NTNG1: variants seen among roughly 807,000 people sequenced by gnomAD.
NTNG1 encodes the protein netrin-G1.
Under a neutral mutation model 54.0 loss-of-function variants are expected in NTNG1, and 16 were observed. That is an observed-to-expected ratio of 0.30 (90% CI 0.20 to 0.45). The LOEUF (loss-of-function observed/expected upper bound fraction) is 0.45, where lower values mean the gene tolerates loss of function less well. Ranked by LOEUF, NTNG1 falls within the 20% of genes least tolerant of loss-of-function variation. The probability of loss-of-function intolerance (pLI) is 1.00; values close to 1 mark genes in which losing one functional copy is unlikely to be tolerated. For synonymous variants in NTNG1, 255 were observed against 263.1 expected (o/e 0.97, Z 0.30); for missense variants, 530 against 678.7 (o/e 0.78, Z 2.43).
intron 2 of NTNG1, among the ~76,000 whole-genome samples, chr1:107,186,247 T>C (rs541501259): frequency 2.6e-4 from 40 of 152,288 alleles, no homozygotes; most frequent in Admixed American, 1.1e-3. Flanking sequence ...ACTTGCCTCC[T>C]TTGCCACCCA....
chr1:107,319,039 T>C (rs1667494948), intron 2 of NTNG1, among the ~76,000 whole-genome samples: 2 of 152,148 alleles, frequency 1.3e-5, no homozygotes, highest in Admixed American at 1.3e-4. Context: ...CTGAAAGACA[T>C]GTCCACTATC....
rs1391734094 is a variant in NTNG1, at chr1:107,361,774, C to A, written c.888-33380C>A. ...ATTTTTGACACTCGGGAAATGACTT[C>A]TTTATGGAAGAAATGATAAACTAGT... On this transcript the variant is annotated intron_variant, in intron 3 of 7. Transcript: ENST00000370068. Among the ~76,000 whole-genome samples, 11 of 152,198 alleles carry A rather than the reference C, an allele frequency of 7.2e-5. No homozygotes were observed. The East Asian group carries it at 1.9e-3, about 27-fold the overall frequency.
chr1:107,210,645 A>G (rs1017919643), intron 2 of NTNG1, among the ~76,000 whole-genome samples: 1 of 152,172 alleles, frequency 6.6e-6, no homozygotes, highest in Non-Finnish European at 1.5e-5. Flanking sequence ...TTGAGGGAGG[A>G]TAAGTTTAGA....
chr1:107,196,780 A>C (rs1170619190), intron 2 of NTNG1, among the ~76,000 whole-genome samples: 1 of 152,024 alleles, frequency 6.6e-6, no homozygotes, highest in Admixed American at 6.6e-5. Flanking sequence ...ATGCATTTTA[A>C]ATTTTAGATA....
rs1276206435 is a variant in NTNG1 at position 107,169,635 on chromosome 1, A to G, written c.246+20796A>G. Among the ~76,000 whole-genome samples the G allele has an allele frequency of 2.0e-5, 3 of 152,320 alleles. No homozygotes were observed. In the East Asian group the frequency reaches 5.8e-4, roughly 29 times the overall value. On this transcript the variant is annotated intron_variant, in intron 2 of 7. Transcript: ENST00000370068. ...CTTACAAATAAGTGAGTGGCTATCC[A>G]ATAATGAAATTTAAAATGGTAAGGT...
intron 4 of NTNG1, among the ~76,000 whole-genome samples, chr1:107,406,579 G>A (rs1673435660): frequency 6.6e-6 from 1 of 152,078 alleles, no homozygotes; most frequent in African/African-American, 2.4e-5. Context: ...AGTTCTGTCT[G>A]CTTTCCATCG....
rs146592934 is a variant in NTNG1 at position 107,398,065 on chromosome 1, T to TAAG, written c.1060+2741_1060+2742insGAA. ...ACTTAGGATATATCATCCCCTAACA[T>TAAG]AACACAAAAGCTACAACTTCTGGTC... On this transcript the variant is annotated intron_variant, in intron 4 of 7. Transcript: ENST00000370068. Among the ~76,000 whole-genome samples the TAAG allele has an allele frequency of 0.012, 1,808 of 152,170 alleles. 90 individuals are homozygous for TAAG. In the East Asian group the frequency reaches 0.17, roughly 15 times the overall value.
chr1:107,313,456 T>G (rs1405451801), intron 2 of NTNG1, among the ~76,000 whole-genome samples: 1 of 152,066 alleles, frequency 6.6e-6, no homozygotes, highest in Non-Finnish European at 1.5e-5. Context: ...AATAGATGGA[T>G]CTGAGGTTCA....
intron 2 of NTNG1, 49 bp downstream of exon 2, chr1:107,148,888 C>T (rs777442491): frequency 2.6e-6 from 4 of 1,558,006 alleles, no homozygotes; most frequent in South Asian, 2.3e-5. Context: ...AGGGTCTAAT[C>T]GCATATGCAT....
At chr1:107,393,047 T>C (rs755291517) in intron 3 of NTNG1, among the ~76,000 whole-genome samples, 27 of 152,192 alleles carry the variant, frequency 1.8e-4, no homozygotes, top group Admixed American at 3.3e-4. Flanking sequence ...TTACCTCCTT[T>C]TATTATTCAA....
At chr1:107,257,642 T>A (rs1457287246) in intron 2 of NTNG1, among the ~76,000 whole-genome samples, 1 of 152,132 alleles carries the variant, frequency 6.6e-6, no homozygotes, top group Admixed American at 6.5e-5. Context: ...GATCCCTGCA[T>A]GTAGATGGGG....
intron 2 of NTNG1, among the ~76,000 whole-genome samples, chr1:107,171,489 T>G (rs1656234891): frequency 6.6e-6 from 1 of 152,066 alleles, no homozygotes; most frequent in African/African-American, 2.4e-5. Flanking sequence ...GATTCAAGTT[T>G]TTCTCTCTCA....
chr1:107,408,535 C>T (rs138839118), intron 5 of NTNG1: 5 of 152,144 alleles, frequency 3.3e-5, no homozygotes, highest in African/African-American at 7.2e-5. Flanking sequence ...GTGTAGCTCC[C>T]GCTTCATGTG....
chr1:107,323,893 T>C (rs759107972), intron 2 of NTNG1, among the ~76,000 whole-genome samples: 2 of 152,088 alleles, frequency 1.3e-5, no homozygotes, highest in African/African-American at 2.4e-5. Flanking sequence ...TAAAGAAGTG[T>C]ACTCTTAAAG....
At chr1:107,451,513 T>C (rs1034836785) in intron 7 of NTNG1, among the ~76,000 whole-genome samples, 9 of 152,288 alleles carry the variant, frequency 5.9e-5, no homozygotes, top group African/African-American at 2.2e-4. Context: ...GCACACTGCA[T>C]GGACTCATTG....
chr1:107,148,881 G>A (rs758008001), intron 2 of NTNG1, 42 bp downstream of exon 2: 3 of 1,587,606 alleles, frequency 1.9e-6, no homozygotes, highest in Non-Finnish European at 2.6e-6. Flanking sequence ...TATAAATAGG[G>A]TCTAATCGCA....
At chr1:107,411,069 A>G (rs1338603915) in intron 5 of NTNG1, among the ~76,000 whole-genome samples, 1 of 152,192 alleles carries the variant, frequency 6.6e-6, no homozygotes, top group Non-Finnish European at 1.5e-5. Context: ...AAGAAGAGAG[A>G]TGTACACATT....
At chr1:107,480,565 C>T (rs748362407) in intron 7 of NTNG1, 46 bp from the exon 8 acceptor site, 1 of 650,354 alleles carries the variant, frequency 1.5e-6, no homozygotes, top group Admixed American at 2.4e-5. Context: ...GATTCTGCTT[C>T]TCCTCCCCGC....
chr1:107,409,358 T>C (rs1673649522), intron 5 of NTNG1: 1 of 152,374 alleles, frequency 6.6e-6, no homozygotes, highest in South Asian at 2.1e-4. Flanking sequence ...GATGGAAAAG[T>C]AGTTCTTTGG....
Sources: gnomAD v4.1 joint callset for allele counts (sites outside exome capture counted in the v4.1 genomes callset) on GRCh38, gnomAD v4.1.1 for gene constraint, MANE v1.5 for transcripts, NCBI Gene and HGNC (gene_info 2026-07-23, HGNC 2026-07-21) for gene names.